MLLT1: variants seen among roughly 807,000 people sequenced by gnomAD.
The protein encoded by MLLT1 is protein ENL.
Under a neutral mutation model 55.1 loss-of-function variants are expected in MLLT1, and 11 were observed. The observed-to-expected ratio is 0.20, with a 90% confidence interval of 0.13 to 0.33. The LOEUF (loss-of-function observed/expected upper bound fraction) is 0.33. MLLT1 is among the 10% of genes least tolerant of loss of function. MLLT1 has a pLI of 1.00. For missense variants in MLLT1, 536 were observed against 760.6 expected (o/e 0.70, Z 3.47); for synonymous variants, 323 against 320.1 (o/e 1.01, Z -0.10).
rs1418317974 is a variant in MLLT1 at position 6,212,970 on chromosome 19, G to A, written c.*72C>T. The A allele has an allele frequency of 7.0e-6, 11 of 1,575,998 alleles. No individual in the cohort carries two copies. Among genetic ancestry groups the A allele is most frequent in the Admixed American group, 1.7e-5 (1 of 57,752 alleles). On this transcript the variant is annotated 3_prime_UTR_variant, in exon 12 of 12. Coordinates refer to ENST00000252674, the MANE Select transcript of MLLT1 (RefSeq NM_005934.4). Reference sequence around the variant, plus strand: ...AGTGCTGCGGGCAGGCGAGACGGGAGAGGAGGGCAGGCGAGGCCTGGCTGC... The same window carrying A: ...AGTGCTGCGGGCAGGCGAGACGGGAAAGGAGGGCAGGCGAGGCCTGGCTGC...
At position 6,262,334 on chromosome 19, in the gene MLLT1, A is replaced by G; in HGVS notation, c.194-24T>C. 6.2e-7 allele frequency: 1 copy of G among 1,600,122 alleles called. No individual in the cohort carries two copies. Among genetic ancestry groups the G allele is most frequent in the East Asian group, 2.2e-5 (1 of 44,738 alleles). On this transcript the variant is annotated intron_variant, in intron 2 of 11. Transcript: ENST00000252674. This position sits in a 1 kb window ranked among gnomAD's most constrained non-coding sequence, Gnocchi z 4.4. Reference sequence around the variant, plus strand: ...CACTAAAAAGAAAAGGAAGAAACACACCCATCAGCCTCCTGCCTGTTTCAG... The same window carrying G: ...CACTAAAAAGAAAAGGAAGAAACACGCCCATCAGCCTCCTGCCTGTTTCAG...
intron 5 of MLLT1, among the ~76,000 whole-genome samples, chr19:6,224,217 A>G (rs924896010): frequency 2.6e-5 from 4 of 152,252 alleles, no homozygotes; most frequent in African/African-American, 9.6e-5. Context: ...TCAAAGGCTC[A>G]GGAACAGTAC....
At position 6,233,328 on chromosome 19, in the gene MLLT1, G is replaced by A. The variant is rs561762775; in HGVS notation, c.277-2615C>T. Among the ~76,000 whole-genome samples, 4 of 152,322 alleles carry A rather than the reference G, an allele frequency of 2.6e-5. No individual in the cohort carries two copies. In the East Asian group the frequency reaches 5.8e-4, roughly 22 times the overall value. Reference sequence around the variant, plus strand: ...CATGGGAAGGAGCCTCCAGAACCACGAGTCCGGTCAGAGCAGACAAGTGAA... The same window carrying A: ...CATGGGAAGGAGCCTCCAGAACCACAAGTCCGGTCAGAGCAGACAAGTGAA... On this transcript the variant is annotated intron_variant, in intron 3 of 11. Coordinates refer to ENST00000252674, the MANE Select transcript of MLLT1 (RefSeq NM_005934.4).
chr19:6,237,172 G>A (rs1294501657), intron 3 of MLLT1, among the ~76,000 whole-genome samples: 15 of 152,228 alleles, frequency 9.9e-5, no homozygotes, highest in Admixed American at 8.5e-4. Context: ...GCCTTGGCAC[G>A]AGGCACAGCA....
chr19:6,244,841 C>A (rs753380734), intron 3 of MLLT1, among the ~76,000 whole-genome samples: 1 of 152,124 alleles, frequency 6.6e-6, no homozygotes, highest in Non-Finnish European at 1.5e-5. Flanking sequence ...AAACGATGCT[C>A]ATTACCGTCG....
At position 6,218,003 on chromosome 19, in the gene MLLT1, TGAGCTG is replaced by T; in HGVS notation, c.1143_1148del (p.Ser382_Ser383del). 1 of 1,608,746 alleles carries T rather than the reference TGAGCTG, an allele frequency of 6.2e-7. No homozygotes were observed. Among genetic ancestry groups the T allele is most frequent in the South Asian group, 1.1e-5 (1 of 90,750 alleles). On this transcript the variant is annotated inframe_deletion, in exon 7 of 12. Coordinates refer to ENST00000252674, the MANE Select transcript of MLLT1 (RefSeq NM_005934.4). The stretch of plus-strand genomic sequence containing the variant: ...CGAAGTCTGAGTCTGAGCTGGAGTC[TGAGCTG>T]GAGCTGGAGTTGGACGGGCTTGACT...
At chr19:6,279,382 G>A (rs1162029967) in intron 1 of MLLT1, among the ~76,000 whole-genome samples, 3 of 152,118 alleles carry the variant, frequency 2.0e-5, no homozygotes, top group Non-Finnish European at 1.5e-5. Flanking sequence ...GTGCCTGGAA[G>A]GAGCTCTGGG....
chr19:6,247,359 A>G (rs2091178377), intron 3 of MLLT1, among the ~76,000 whole-genome samples: 2 of 152,176 alleles, frequency 1.3e-5, no homozygotes, highest in South Asian at 4.1e-4. Context: ...GGGGCAGGGA[A>G]ATACACGGTG....
intron 3 of MLLT1, among the ~76,000 whole-genome samples, chr19:6,245,501 G>A (rs1234296539): frequency 6.6e-6 from 1 of 150,422 alleles, no homozygotes; most frequent in African/African-American, 2.4e-5. Flanking sequence ...ACGAGGTCAG[G>A]AGATCGAGAC....
intron 3 of MLLT1, among the ~76,000 whole-genome samples, chr19:6,239,215 G>A (rs943309112): frequency 2.6e-5 from 4 of 152,216 alleles, no homozygotes; most frequent in African/African-American, 7.2e-5. Context: ...CACACAGTCC[G>A]GCAAGAAAGC....
chr19:6,271,159 C>T (rs2091392432), intron 1 of MLLT1, among the ~76,000 whole-genome samples: 1 of 152,182 alleles, frequency 6.6e-6, no homozygotes, highest in African/African-American at 2.4e-5. Flanking sequence ...GCAGGGAAGC[C>T]TCCCCTGACC....
intron 7 of MLLT1, 130 bp downstream of exon 7, chr19:6,217,824 A>G: frequency 7.4e-7 from 1 of 1,343,184 alleles, no homozygotes; most frequent in East Asian, 2.8e-5. Flanking sequence ...CCAGGCCACC[A>G]AAACCCTCCA....
chr19:6,264,534 A>T (rs2091330861), intron 2 of MLLT1, among the ~76,000 whole-genome samples: 1 of 152,156 alleles, frequency 6.6e-6, no homozygotes, highest in African/African-American at 2.4e-5. Flanking sequence ...AGAAAGAAAA[A>T]AAATAAAAAC....
At chr19:6,242,346 C>T (rs2091122524) in intron 3 of MLLT1, among the ~76,000 whole-genome samples, 1 of 152,196 alleles carries the variant, frequency 6.6e-6, no homozygotes, top group South Asian at 2.1e-4. Context: ...GAAGATGCCT[C>T]TGAGGGTCTT....
chr19:6,250,852 G>A (rs530850068), intron 3 of MLLT1, among the ~76,000 whole-genome samples: 9 of 152,312 alleles, frequency 5.9e-5, no homozygotes, highest in South Asian at 4.1e-4. Context: ...CTGCATGGCC[G>A]TCAATGGATG....
rs1171678025 is a variant in MLLT1, at chr19:6,227,988, A to G, written c.421-886T>C. On this transcript the variant is annotated intron_variant, in intron 4 of 11. Coordinates refer to ENST00000252674, the MANE Select transcript of MLLT1 (RefSeq NM_005934.4). This position sits in a 1 kb window ranked among gnomAD's most constrained non-coding sequence, Gnocchi z 5.1. Reference sequence around the variant, plus strand: ...ACTGCTAACAGCCTTGAGCACCTGCAGTTCCCGGCCAGCCAAGCCTTTCAT... The same window carrying G: ...ACTGCTAACAGCCTTGAGCACCTGCGGTTCCCGGCCAGCCAAGCCTTTCAT... Among the ~76,000 whole-genome samples, 3 of 152,208 alleles carry G rather than the reference A, an allele frequency of 2.0e-5. No homozygotes were observed.
In MLLT1 at chr19:6,227,899, G is replaced by A. The variant is rs190350685; in HGVS notation, c.421-797C>T. On this transcript the variant is annotated intron_variant, in intron 4 of 11. Coordinates refer to ENST00000252674, the MANE Select transcript of MLLT1 (RefSeq NM_005934.4). This position sits in a 1 kb window ranked among gnomAD's most constrained non-coding sequence, Gnocchi z 5.1. Reference sequence around the variant, plus strand: ...ACAGAGAAAAGCCTCCCAGATGGCCGCAAGAGAGAACAAAAGAAGAAAATA... The same window carrying A: ...ACAGAGAAAAGCCTCCCAGATGGCCACAAGAGAGAACAAAAGAAGAAAATA... 5.3e-5 allele frequency among the ~76,000 whole-genome samples: 8 copies of A among 152,272 alleles called. No individual in the cohort carries two copies. In the East Asian group the frequency reaches 7.7e-4, roughly 15 times the overall value.
chr19:6,211,888 C>T lies in MLLT1; in HGVS notation c.*1154G>A, dbSNP rs1344001446. 4 of 1,064,464 alleles carry T rather than the reference C, an allele frequency of 3.8e-6. No individual in the cohort carries two copies. The highest frequency in any genetic ancestry group is 9.1e-5 in the South Asian group (2 of 21,982). 65.9% of individuals were successfully genotyped at this position (1,064,464 alleles called of 1,614,324 possible). ...GGCGCGGCACCAGCATGAATTGCGG[C>T]GGTGGAGGCCGGGGCGGGCCAGGCC... is the stretch of plus-strand genomic sequence containing the variant. On this transcript the variant is annotated 3_prime_UTR_variant, in exon 12 of 12. Coordinates refer to ENST00000252674, the MANE Select transcript of MLLT1 (RefSeq NM_005934.4). This position sits in a 1 kb window ranked among gnomAD's most constrained non-coding sequence, Gnocchi z 4.6.
chr19:6,259,041 G>A (rs1399267606), intron 3 of MLLT1: 1 of 152,248 alleles, frequency 6.6e-6, no homozygotes, highest in African/African-American at 2.4e-5. Context: ...TAGACAAACT[G>A]AGGCCCAGAG....
Sources: gnomAD v4.1 joint callset for allele counts (sites outside exome capture counted in the v4.1 genomes callset) on GRCh38, gnomAD v4.1.1 for gene constraint, Gnocchi (gnomAD v3.1) non-coding constraint, MANE v1.5 for transcripts, NCBI Gene and HGNC (gene_info 2026-07-23, HGNC 2026-07-21) for gene names.